The following RBMS3 variants were observed in gnomAD, a reference collection of about 807,000 sequenced individuals.
RBMS3 encodes RNA binding motif single stranded interacting protein 3.
In RBMS3, 27 loss-of-function variants were observed where a neutral mutation model predicts 66.8. The ratio of observed to expected loss-of-function variants is 0.40; its 90% CI spans 0.30 to 0.56. The LOEUF is 0.56. Among genes scored for constraint, RBMS3 ranks in the 20% least tolerant of loss-of-function variants. RBMS3 has a pLI of 0.40. For synonymous variants in RBMS3, 188 were observed against 183.0 expected (o/e 1.03, Z -0.22); for missense variants, 513 against 549.5 (o/e 0.93, Z 0.66).
chr3:29,496,377 T>C (rs574871496), intron 3 of RBMS3, among the ~76,000 whole-genome samples: 2 of 152,214 alleles, frequency 1.3e-5, no homozygotes, highest in African/African-American at 2.4e-5. Context: ...AACTTGAAGG[T>C]TTGCTTTATT....
intron 1 of RBMS3, among the ~76,000 whole-genome samples, chr3:29,313,554 G>T (rs1360682806): frequency 1.3e-5 from 2 of 151,616 alleles, no homozygotes; most frequent in Non-Finnish European, 3.0e-5. Flanking sequence ...CATGTTAAAT[G>T]TCACCATATT....
intron 1 of RBMS3, among the ~76,000 whole-genome samples, chr3:29,307,924 G>C (rs1198185852): frequency 6.6e-6 from 1 of 151,646 alleles, no homozygotes; most frequent in Non-Finnish European, 1.5e-5. Flanking sequence ...AAAAATTAAT[G>C]AGTGAATGAT....
chr3:29,903,361 C>CT (rs1261569948), intron 10 of RBMS3: 1 of 151,868 alleles, frequency 6.6e-6, no homozygotes, highest in African/African-American at 2.4e-5. Context: ...TAGGAATTCC[C>CT]TTTTTTCTGA....
At chr3:29,998,152 A>G (rs1699373921) in intron 14 of RBMS3, among the ~76,000 whole-genome samples, 1 of 152,174 alleles carries the variant, frequency 6.6e-6, no homozygotes, top group Non-Finnish European at 1.5e-5. Context: ...TCATGAGTGA[A>G]CTCCCATTCA....
intron 2 of RBMS3, among the ~76,000 whole-genome samples, chr3:29,479,063 A>G (rs539534343): frequency 5.3e-5 from 8 of 152,322 alleles, no homozygotes; most frequent in Non-Finnish European, 1.2e-4. Context: ...AATCAAAGAA[A>G]GAGTAAGATT....
At position 30,004,268 on chromosome 3, in the gene RBMS3, A is replaced by G. The variant is rs2125407530; in HGVS notation, c.*406A>G. The G allele has an allele frequency of 6.4e-6, 1 of 156,444 alleles. No homozygotes were observed. Among genetic ancestry groups the G allele is most frequent in the African/African-American group, 2.4e-5 (1 of 41,658 alleles). 9.7% of individuals were successfully genotyped at this position (156,444 alleles called of 1,614,324 possible). ...AGAGGTGGGCAATAGAAATGGAAAC[A>G]AATTGTCTTCCTCAATAATTAAGCT... On this transcript the variant is annotated 3_prime_UTR_variant, in exon 15 of 15. Transcript: ENST00000383767.
intron 4 of RBMS3, among the ~76,000 whole-genome samples, chr3:29,590,085 T>A (rs2047673020): frequency 7.5e-6 from 1 of 132,724 alleles, no homozygotes; most frequent in Admixed American, 7.5e-5. Context: ...CAAAGGAGTT[T>A]ATTTATTTTT....
At position 29,294,660 on chromosome 3, in the gene RBMS3, A is replaced by G. The variant is rs368893752; in HGVS notation, c.75+12904A>G. 5.8e-4 allele frequency among the ~76,000 whole-genome samples: 88 copies of G among 151,802 alleles called. 1 individual carries two copies. In the South Asian group the frequency reaches 7.1e-3, roughly 12 times the overall value. ...CAATTCCTCAGCAATTGCCAAGAAT[A>G]TCAGCCCTTATATGTGGCTTCCTTT... On this transcript the variant is annotated intron_variant, in intron 1 of 14. Coordinates refer to ENST00000383767, the MANE Select transcript of RBMS3 (RefSeq NM_001003793.3).
chr3:29,870,382 T>C (rs533266994), intron 7 of RBMS3, among the ~76,000 whole-genome samples: 1 of 152,168 alleles, frequency 6.6e-6, no homozygotes, highest in Admixed American at 6.5e-5. Flanking sequence ...ATTAGAGATA[T>C]CTTTGGGTCA....
rs1409736587 is a variant in RBMS3 at position 29,729,381 on chromosome 3, C to T, written c.400-10339C>T. ...ATGTGCCACATTTTCTTAATCCTGTCTATCATTGATGGACATTTGGGTTGA... is the reference window on the plus strand; with the variant it reads ...ATGTGCCACATTTTCTTAATCCTGTTTATCATTGATGGACATTTGGGTTGA... On this transcript the variant is annotated intron_variant, in intron 4 of 14. Transcript: ENST00000383767. Among the ~76,000 whole-genome samples the T allele has an allele frequency of 3.3e-5, 5 of 152,208 alleles. No homozygotes were observed. In the South Asian group the frequency reaches 6.2e-4, roughly 19 times the overall value.
intron 1 of RBMS3, among the ~76,000 whole-genome samples, chr3:29,393,959 G>C (rs1384994148): frequency 2.0e-5 from 3 of 152,166 alleles, no homozygotes; most frequent in Non-Finnish European, 2.9e-5. Context: ...TTACTGATGA[G>C]GTTCCATGTC....
intron 1 of RBMS3, among the ~76,000 whole-genome samples, chr3:29,359,220 C>A (rs914688649): frequency 6.6e-6 from 1 of 152,128 alleles, no homozygotes; most frequent in African/African-American, 2.4e-5. Context: ...AGATACATCC[C>A]ATCAATACCT....
At chr3:29,565,165 G>A (rs3773085) in intron 3 of RBMS3, among the ~76,000 whole-genome samples, 6,796 of 152,212 alleles carry the variant, frequency 0.045, 405 homozygotes, top group East Asian at 0.31. Flanking sequence ...ACCAGTTTAG[G>A]AAAGGAAAGT....
chr3:29,302,829 C>T (rs2033771933), intron 1 of RBMS3, among the ~76,000 whole-genome samples: 1 of 151,968 alleles, frequency 6.6e-6, no homozygotes, highest in African/African-American at 2.4e-5. Flanking sequence ...ATGCTTCTTG[C>T]CTGTCTATTT....
intron 14 of RBMS3, among the ~76,000 whole-genome samples, chr3:30,002,491 C>G (rs1699656670): frequency 6.6e-6 from 1 of 151,962 alleles, no homozygotes; most frequent in African/African-American, 2.4e-5. Flanking sequence ...CTATAGTTTG[C>G]AAAGCTAGAG....
intron 3 of RBMS3, among the ~76,000 whole-genome samples, chr3:29,497,972 C>CTTTTT (rs1559412873): frequency 2.4e-4 from 10 of 42,332 alleles, no homozygotes; most frequent in East Asian, 8.5e-4. Flanking sequence ...TAAAAGTATT[C>CTTTTT]ATTTTTTTTT....
intron 4 of RBMS3, among the ~76,000 whole-genome samples, chr3:29,733,818 T>C (rs542081344): frequency 2.6e-5 from 4 of 152,148 alleles, no homozygotes; most frequent in Non-Finnish European, 5.9e-5. Flanking sequence ...AAAATCTTTG[T>C]CCAGACCAAT....
chr3:29,916,817 G>C lies in RBMS3; in HGVS notation c.939+17062G>C, dbSNP rs544276544. ...TTGTTTTAAATTTTATTAATCTCAA[G>C]GTATTTAAAAATCCTCTGAAAGAAT... is the stretch of plus-strand genomic sequence containing the variant. On this transcript the variant is annotated intron_variant, in intron 10 of 14. Transcript: ENST00000383767. Among the ~76,000 whole-genome samples the C allele has an allele frequency of 2.0e-5, 3 of 151,950 alleles. No individual in the cohort carries two copies. In the East Asian group the frequency reaches 5.8e-4, roughly 29 times the overall value.
intron 4 of RBMS3, among the ~76,000 whole-genome samples, chr3:29,602,913 T>C (rs1472840144): frequency 6.6e-6 from 1 of 152,004 alleles, no homozygotes; most frequent in East Asian, 1.9e-4. Context: ...CAAGGTCAAG[T>C]GGCAGTTCCT....
Sources: gnomAD v4.1 joint callset for allele counts (sites outside exome capture counted in the v4.1 genomes callset) on GRCh38, gnomAD v4.1.1 for gene constraint, MANE v1.5 for transcripts, NCBI Gene and HGNC (gene_info 2026-07-23, HGNC 2026-07-21) for gene names.